Variants in PLCL1 observed in about 807,000 individuals in gnomAD.
PLCL1 encodes the protein phospholipase C like 1 (inactive).
Under a neutral mutation model 84.4 loss-of-function variants are expected in PLCL1, and 41 were observed. That is an observed-to-expected ratio of 0.49 (90% CI 0.38 to 0.63). The LOEUF is 0.63. Ranked by LOEUF, PLCL1 falls within the 30% of genes least tolerant of loss-of-function variation. PLCL1 has a pLI of 0.00. For missense variants in PLCL1, 1,206 were observed against 1,367.8 expected, an observed-to-expected ratio of 0.88 and a Z score of 1.87; for synonymous variants, 490 against 488.3, an observed-to-expected ratio of 1.00 and a Z score of -0.05.
intron 1 of PLCL1, among the ~76,000 whole-genome samples, chr2:197,888,186 T>G (rs1687955338): frequency 6.6e-6 from 1 of 152,216 alleles, no homozygotes; most frequent in African/African-American, 2.4e-5. Flanking sequence ...AGCAATAATT[T>G]TTTTTGTGTG....
chr2:197,935,795 A>G (rs1445135580), intron 1 of PLCL1, among the ~76,000 whole-genome samples: 1 of 152,182 alleles, frequency 6.6e-6, no homozygotes, highest in Non-Finnish European at 1.5e-5. Context: ...AGTGAATTTC[A>G]GCTATACCAT....
chr2:198,010,462 A>G (rs1015359805), intron 1 of PLCL1, among the ~76,000 whole-genome samples: 5 of 151,848 alleles, frequency 3.3e-5, no homozygotes, highest in Non-Finnish European at 5.9e-5. Context: ...TGGTTATTAC[A>G]TTGGTTAATT....
At chr2:198,030,501 G>A (rs115409591) in intron 1 of PLCL1, among the ~76,000 whole-genome samples, 2,151 of 152,198 alleles carry the variant, frequency 0.014, 28 homozygotes, top group Middle Eastern at 0.031. Context: ...GGGTTTTTAC[G>A]AGCCTTCCCC....
At chr2:198,053,569 G>C (rs1393355178) in intron 1 of PLCL1, among the ~76,000 whole-genome samples, 1 of 152,198 alleles carries the variant, frequency 6.6e-6, no homozygotes, top group Non-Finnish European at 1.5e-5. Flanking sequence ...TTTTAGCAGT[G>C]ATGTATCTAA....
chr2:197,955,768 TTTC>T (rs1174216880), intron 1 of PLCL1, among the ~76,000 whole-genome samples: 1 of 151,270 alleles, frequency 6.6e-6, no homozygotes, highest in Non-Finnish European at 1.5e-5. Context: ...TGTACCACAT[TTTC>T]TTTTTTTTCC....
chr2:198,065,232 ATACTT>A (rs1692295822), intron 1 of PLCL1, among the ~76,000 whole-genome samples: 1 of 152,170 alleles, frequency 6.6e-6, no homozygotes, highest in Non-Finnish European at 1.5e-5. Context: ...CCTTGCCAGA[ATACTT>A]TAGGAAACTT....
At chr2:198,088,767 A>C in intron 2 of PLCL1, 91 bp from the exon 3 acceptor site, 1 of 814,402 alleles carries the variant, frequency 1.2e-6, no homozygotes, top group Non-Finnish European at 2.2e-6. Context: ...ATTATCTTTT[A>C]AAAATGAATG....
At chr2:197,981,640 C>G (rs1690109094) in intron 1 of PLCL1, among the ~76,000 whole-genome samples, 1 of 152,128 alleles carries the variant, frequency 6.6e-6, no homozygotes, top group Non-Finnish European at 1.5e-5. Context: ...ACTGTGATGG[C>G]TAAAGGGAGG....
At chr2:198,140,054 C>T (rs1229649758) in intron 5 of PLCL1, among the ~76,000 whole-genome samples, 2 of 152,064 alleles carry the variant, frequency 1.3e-5, no homozygotes, top group Non-Finnish European at 2.9e-5. Flanking sequence ...CTGCCTCAGC[C>T]TCCTGAGTAG....
intron 1 of PLCL1, among the ~76,000 whole-genome samples, chr2:197,852,034 T>G (rs1179650926): frequency 6.6e-6 from 1 of 152,222 alleles, no homozygotes; most frequent in Non-Finnish European, 1.5e-5. Context: ...GGCATTTGAT[T>G]TTGCTATGTA....
intron 1 of PLCL1, among the ~76,000 whole-genome samples, chr2:197,988,191 G>A (rs1263552091): frequency 1.3e-5 from 2 of 152,084 alleles, no homozygotes; most frequent in African/African-American, 4.8e-5. Context: ...GATAAGAAGG[G>A]GTGTCAGATA....
intron 5 of PLCL1, among the ~76,000 whole-genome samples, chr2:198,112,049 ACT>A (rs1200625657): frequency 1.3e-5 from 2 of 151,672 alleles, no homozygotes; most frequent in Non-Finnish European, 2.9e-5. Flanking sequence ...TTACAAAACA[ACT>A]CTCTTTTCTC....
At chr2:198,017,398 A>G (rs906730067) in intron 1 of PLCL1, among the ~76,000 whole-genome samples, 7 of 152,258 alleles carry the variant, frequency 4.6e-5, no homozygotes, top group African/African-American at 1.7e-4. Context: ...GCCTTTGTCC[A>G]GTTAAATCTG....
chr2:198,116,577 C>T (rs1250621809), intron 5 of PLCL1, among the ~76,000 whole-genome samples: 1 of 151,746 alleles, frequency 6.6e-6, no homozygotes, highest in African/African-American at 2.4e-5. Context: ...CTTCAGATAA[C>T]TACTTGAATA....
rs1207780578 is a variant in PLCL1 at position 198,140,132 on chromosome 2, C to G, written c.3106-6648C>G. On this transcript the variant is annotated intron_variant, in intron 5 of 5. Transcript: ENST00000428675. ...TTCTTTTAGTAGAGACGGAGTTTCA[C>G]CATGTTGGCCGCGCCTGGCCCATAC... Among the ~76,000 whole-genome samples, 3 of 152,066 alleles carry G rather than the reference C, an allele frequency of 2.0e-5. No individual in the cohort carries two copies. In the East Asian group the frequency reaches 5.8e-4, roughly 29 times the overall value.
chr2:197,895,438 T>A, intron 1 of PLCL1, among the ~76,000 whole-genome samples: 1 of 152,056 alleles, frequency 6.6e-6, no homozygotes, highest in Non-Finnish European at 1.5e-5. Flanking sequence ...ATAAAGCAAA[T>A]TTCCATATGT....
chr2:197,977,120 A>G (rs747456445), intron 1 of PLCL1, among the ~76,000 whole-genome samples: 2 of 152,150 alleles, frequency 1.3e-5, no homozygotes, highest in Non-Finnish European at 1.5e-5. Flanking sequence ...CTCCTCTTGT[A>G]TTACTGAGTA....
intron 1 of PLCL1, among the ~76,000 whole-genome samples, chr2:197,870,447 G>A (rs1283488197): frequency 2.0e-5 from 3 of 150,790 alleles, no homozygotes; most frequent in Admixed American, 6.6e-5. Context: ...CCCAGTGAAT[G>A]AGAATCTCTT....
chr2:198,065,351 A>G (rs1475683794), intron 1 of PLCL1, among the ~76,000 whole-genome samples: 1 of 152,180 alleles, frequency 6.6e-6, no homozygotes, highest in Admixed American at 6.5e-5. Context: ...TTTCAAGTCT[A>G]AATAACTTAA....
Sources: allele counts gnomAD v4.1 joint callset (sites outside exome capture counted in the v4.1 genomes callset), GRCh38; gene constraint gnomAD v4.1.1; transcripts MANE v1.5; gene names NCBI Gene and HGNC (gene_info 2026-07-23, HGNC 2026-07-21).